ATP8B2: variants seen among roughly 807,000 people sequenced by gnomAD.
The protein encoded by ATP8B2 is phospholipid-transporting ATPase ID.
Under a neutral mutation model 133.4 loss-of-function variants are expected in ATP8B2, and 70 were observed. The observed-to-expected ratio is 0.52, with a 90% CI of 0.43 to 0.64. The LOEUF is 0.64. Ranked by LOEUF, ATP8B2 falls within the 30% of genes least tolerant of loss-of-function variation. The pLI, the probability that ATP8B2 is intolerant of heterozygous loss-of-function variation, is 0.00. For synonymous variants in ATP8B2, 517 were observed against 589.5 expected (o/e 0.88, Z 1.78); for missense variants, 1,101 against 1,535.7 (o/e 0.72, Z 4.73).
At chr1:154,342,655 A>G in intron 14 of ATP8B2, 132 bp downstream of exon 14, 1 of 1,435,872 alleles carries the variant, frequency 7.0e-7, no homozygotes, top group South Asian at 1.2e-5. Flanking sequence ...TTTAAGGCAG[A>G]ACTGGTGATG....
chr1:154,342,385 AGTG>A, intron 13 of ATP8B2, 92 bp from the exon 14 acceptor site: 1 of 1,249,832 alleles, frequency 8.0e-7, no homozygotes, highest in Non-Finnish European at 1.2e-6. Flanking sequence ...TGAGGGGCTC[AGTG>A]CCTACGGGGA....
rs1685957837 is a variant in ATP8B2, at chr1:154,330,695, C to T, written c.91-120C>T. 2.9e-5 allele frequency: 25 copies of T among 876,106 alleles called. 1 individual carries two copies. The South Asian group carries it at 4.0e-4, about 14-fold the overall frequency. The allele number at this position is 876,106 out of a possible 1,614,324, so 54.3% of individuals were successfully genotyped here. On this transcript the variant is annotated intron_variant, in intron 3 of 27. Transcript: ENST00000368489. ...CTCCTCCTCTTTCCCCCTCCCACAC[C>T]TGTGTTTGCTAGCTTTTGGGGTAGA...
In ATP8B2 at chr1:154,334,634, CTCCTTGGGTGCTCCTTT is replaced by C; in HGVS notation, c.837+49_837+65del. The C allele has an allele frequency of 3.9e-6, 6 of 1,532,748 alleles. No individual in the cohort carries two copies. The highest frequency in any genetic ancestry group is 5.4e-6 in the Non-Finnish European group (6 of 1,108,404). The allele number at this position is 1,532,748 out of a possible 1,614,324, so 94.9% of individuals were successfully genotyped here. A position where few individuals can be genotyped will look rare whatever the true frequency, so the allele number is the denominator to read the frequency against. ...TGGCTCCCTGCCCCTGCCCTCTCTT[CTCCTTGGGTGCTCCTTT>C]TCCTTTCCTCTTTCTTCTTTGGTCA... On this transcript the variant is annotated intron_variant, in intron 11 of 27. Transcript: ENST00000368489. This position sits in a 1 kb window ranked among gnomAD's most constrained non-coding sequence, Gnocchi z 4.6.
chr1:154,328,983 G>A lies in ATP8B2; in HGVS notation c.31+811G>A. Reference sequence around the variant, plus strand: ...GGTCTGCCCTCCCCCACTCAAACCGGGATCATGACGGTCCCCAAGGAGATG... The same window carrying A: ...GGTCTGCCCTCCCCCACTCAAACCGAGATCATGACGGTCCCCAAGGAGATG... On this transcript the variant is annotated intron_variant, in intron 2 of 27. Coordinates refer to ENST00000368489, the MANE Select transcript of ATP8B2 (RefSeq NM_001370597.1). This position sits in a 1 kb window ranked among gnomAD's most constrained non-coding sequence, Gnocchi z 4.6. 7.7e-7 allele frequency: 1 copy of A among 1,304,108 alleles called. No individual in the cohort carries two copies. 80.8% of individuals were successfully genotyped at this position (1,304,108 alleles called of 1,614,324 possible). A position where few individuals can be genotyped will look rare whatever the true frequency, so the allele number is the denominator to read the frequency against.
At chr1:154,329,449 A>G (rs1685908583) in intron 2 of ATP8B2, among the ~76,000 whole-genome samples, 2 of 152,080 alleles carry the variant, frequency 1.3e-5, no homozygotes, top group South Asian at 4.1e-4. Context: ...CTGCCTAACC[A>G]AGTTACCCCT....
intron 1 of ATP8B2, 173 bp from the exon 2 acceptor site, chr1:154,327,932 A>G: frequency 1.3e-6 from 2 of 1,559,748 alleles, no homozygotes; most frequent in Non-Finnish European, 1.8e-6. Context: ...GTGGTGGGGA[A>G]GTCCCCTCTT....
rs529890212 is a variant in ATP8B2, at chr1:154,340,784, C to T, written c.1035-70C>T. 21 of 1,423,868 alleles carry T rather than the reference C, an allele frequency of 1.5e-5. No homozygotes were observed. The highest frequency in any genetic ancestry group is 5.1e-5 in the Admixed American group (3 of 58,942). The allele number at this position is 1,423,868 out of a possible 1,614,324, so 88.2% of individuals were successfully genotyped here. Reference sequence around the variant, plus strand: ...CTCTCCCCAGGCGGAGGGCCTGCAGCGAAGGCCCATGTGGGTGGGGCACCT... The same window carrying T: ...CTCTCCCCAGGCGGAGGGCCTGCAGTGAAGGCCCATGTGGGTGGGGCACCT... On this transcript the variant is annotated intron_variant, in intron 12 of 27. Coordinates refer to ENST00000368489, the MANE Select transcript of ATP8B2 (RefSeq NM_001370597.1). The surrounding 1 kb of genome is among the most constrained non-coding windows in gnomAD (Gnocchi z 4.0).
chr1:154,347,270 G>A (rs1686616375), intron 26 of ATP8B2, among the ~76,000 whole-genome samples: 1 of 152,292 alleles, frequency 6.6e-6, no homozygotes, highest in East Asian at 1.9e-4. Flanking sequence ...AGAGGAAACA[G>A]CAATATAAAG....
chr1:154,343,410 G>C lies in ATP8B2; in HGVS notation c.1643-43G>C. 1 of 1,609,570 alleles carries C rather than the reference G, an allele frequency of 6.2e-7. No individual in the cohort carries two copies. The highest frequency in any genetic ancestry group is 8.5e-7 in the Non-Finnish European group (1 of 1,176,564). Reference sequence around the variant, plus strand: ...GTGTTTATGTTGGGGGTCTTTGCCTGTCTGAATTTTTCTGGCACTTTCTTC... The same window carrying C: ...GTGTTTATGTTGGGGGTCTTTGCCTCTCTGAATTTTTCTGGCACTTTCTTC... On this transcript the variant is annotated intron_variant, in intron 16 of 27. Coordinates refer to ENST00000368489, the MANE Select transcript of ATP8B2 (RefSeq NM_001370597.1). This position sits in a 1 kb window ranked among gnomAD's most constrained non-coding sequence, Gnocchi z 5.8.
chr1:154,335,908 G>A (rs1012447495), intron 11 of ATP8B2, among the ~76,000 whole-genome samples: 6 of 151,552 alleles, frequency 4.0e-5, no homozygotes, highest in Admixed American at 6.6e-5. Flanking sequence ...GCGTGGTGGC[G>A]GGCACCTGTA....
rs2149167425 is a variant in ATP8B2 at position 154,337,556 on chromosome 1, C to T, written c.1034+12C>T. On this transcript the variant is annotated intron_variant, in intron 12 of 27. Coordinates refer to ENST00000368489, the MANE Select transcript of ATP8B2 (RefSeq NM_001370597.1). ...TCACTCTATGTCAGGTATGTGCCTT[C>T]TCTGACCTGGGGTCTCTCCAGGGAG... The T allele has an allele frequency of 6.2e-7, 1 of 1,614,188 alleles. No individual in the cohort carries two copies. Among genetic ancestry groups the T allele is most frequent in the Non-Finnish European group, 8.5e-7 (1 of 1,180,018 alleles).
Position 154,346,542 on chromosome 1 carries a change from C to T in ATP8B2, c.3024+66C>T. On this transcript the variant is annotated intron_variant, in intron 25 of 27. Coordinates refer to ENST00000368489, the MANE Select transcript of ATP8B2 (RefSeq NM_001370597.1). The surrounding 1 kb of genome is among the most constrained non-coding windows in gnomAD (Gnocchi z 4.5). ...GTGAGCCTTCTGTCCCTGGGGCTGCCCTGGGCACCACAGTTCTGTTTCTGG... is the reference window on the plus strand; with the variant it reads ...GTGAGCCTTCTGTCCCTGGGGCTGCTCTGGGCACCACAGTTCTGTTTCTGG... The T allele has an allele frequency of 1.2e-6, 2 of 1,608,118 alleles. No homozygotes were observed. The highest frequency in any genetic ancestry group is 3.4e-5 in the Admixed American group (2 of 59,636).
Position 154,343,499 on chromosome 1 carries a change from C to G in ATP8B2, c.1689C>G (p.Asp563Glu). The change falls in exon 17 of 28, where the codon GAC becomes GAG. Residue 563 changes from aspartate to glutamate, a missense_variant. Transcript: ENST00000368489. The surrounding 1 kb of genome is among the most constrained non-coding windows in gnomAD (Gnocchi z 5.8). ...GKIRLYCKGADTILLDRLHHS... is the reference protein window; with the variant it reads ...GKIRLYCKGAETILLDRLHHS... Reference sequence around the variant, plus strand: ...TCCGACTCTACTGCAAAGGGGCTGACACTATCCTACTGGACAGACTGCACC... The same window carrying G: ...TCCGACTCTACTGCAAAGGGGCTGAGACTATCCTACTGGACAGACTGCACC... 1 of 1,614,138 alleles carries G rather than the reference C, an allele frequency of 6.2e-7. No individual in the cohort carries two copies. The highest frequency in any genetic ancestry group is 8.5e-7 in the Non-Finnish European group (1 of 1,180,040).
intron 2 of ATP8B2, among the ~76,000 whole-genome samples, chr1:154,329,278 C>T (rs528663473): frequency 6.0e-4 from 92 of 152,238 alleles, no homozygotes; most frequent in Middle Eastern, 3.4e-3. Context: ...CCAAGAGAGC[C>T]CCTCTAGGGA....
At position 154,346,207 on chromosome 1, in the gene ATP8B2, A is replaced by G. The variant is rs1190139478; in HGVS notation, c.2779-24A>G. ...AAAACGGCAACCTCTGAGGCCCCCT[A>G]TGCTACATGGTCCTCCCACACAGGA... On this transcript the variant is annotated intron_variant, in intron 24 of 27. Transcript: ENST00000368489. This position sits in a 1 kb window ranked among gnomAD's most constrained non-coding sequence, Gnocchi z 4.5. 5.0e-6 allele frequency: 8 copies of G among 1,609,946 alleles called. No individual in the cohort carries two copies. Among genetic ancestry groups the G allele is most frequent in the African/African-American group, 4.0e-5 (3 of 74,844 alleles).
rs112460544 is a variant in ATP8B2, at chr1:154,344,126, C to A, written c.1924-17C>A. On this transcript the variant is annotated splice_polypyrimidine_tract_variant and intron_variant, in intron 18 of 27. Coordinates refer to ENST00000368489, the MANE Select transcript of ATP8B2 (RefSeq NM_001370597.1). This position sits in a 1 kb window ranked among gnomAD's most constrained non-coding sequence, Gnocchi z 4.1. ...TGCCTGCAATTCTTGTGCCAGGAAT[C>A]CTTGTGGTATTTTCAGCTGCTGGGT... 1.9e-6 allele frequency: 3 copies of A among 1,614,098 alleles called. No individual in the cohort carries two copies. Among genetic ancestry groups the A allele is most frequent in the South Asian group, 1.1e-5 (1 of 91,088 alleles).
chr1:154,332,002 A>G lies in ATP8B2; in HGVS notation c.487A>G (p.Ile163Val). 2 of 1,614,094 alleles carry G rather than the reference A, an allele frequency of 1.2e-6. No individual in the cohort carries two copies. The highest frequency in any genetic ancestry group is 2.2e-5 in the East Asian group (1 of 44,884). The stretch of plus-strand genomic sequence containing the variant: ...CAGTGAGCCCCATGGGCTGTGTTAC[A>G]TAGAGACAGCAGAACTTGATGGGTA... ...SSSEPHGLCY[I>V]ETAELDGETN... is the part of the protein sequence containing the mutation. The change falls in exon 8 of 28, where the codon ATA becomes GTA. Residue 163 changes from isoleucine to valine, a missense_variant. By Grantham distance (29) the Ile-to-Val change is conservative. Coordinates refer to ENST00000368489, the MANE Select transcript of ATP8B2 (RefSeq NM_001370597.1).
intron 2 of ATP8B2, among the ~76,000 whole-genome samples, chr1:154,329,241 C>G (rs992033496): frequency 6.6e-6 from 1 of 152,180 alleles, no homozygotes; most frequent in Non-Finnish European, 1.5e-5. Context: ...TTTGCATGGT[C>G]TTTGGTGATT....
chr1:154,347,431 C>G (rs1267265276), intron 26 of ATP8B2, among the ~76,000 whole-genome samples: 2 of 152,086 alleles, frequency 1.3e-5, no homozygotes, highest in African/African-American at 2.4e-5. Flanking sequence ...GAATTTTAAT[C>G]TAAATGTGAG....
Sources: gnomAD v4.1 joint callset for allele counts (sites outside exome capture counted in the v4.1 genomes callset) on GRCh38, gnomAD v4.1.1 for gene constraint, Gnocchi (gnomAD v3.1) non-coding constraint, MANE v1.5 for transcripts, NCBI Gene and HGNC (gene_info 2026-07-23, HGNC 2026-07-21) for gene names.